MYO9B: variants seen among roughly 807,000 people sequenced by gnomAD.
The protein encoded by MYO9B is unconventional myosin-IXb.
Under a neutral mutation model 229.5 loss-of-function variants are expected in MYO9B, and 71 were observed. The ratio of observed to expected loss-of-function variants is 0.31; its 90% CI spans 0.26 to 0.38. The LOEUF (loss-of-function observed/expected upper bound fraction) is 0.38, where lower values mean the gene tolerates loss of function less well. MYO9B is among the 10% of genes least tolerant of loss of function. The pLI is 1.00. For missense variants in MYO9B, 2,255 were observed against 2,920.5 expected, an observed-to-expected ratio of 0.77 and a Z score of 5.25; for synonymous variants, 1,185 against 1,235.8, an observed-to-expected ratio of 0.96 and a Z score of 0.86.
intron 5 of MYO9B, 110 bp downstream of exon 5, chr19:17,154,176 C>T (rs1381266646): frequency 1.5e-6 from 2 of 1,322,186 alleles, no homozygotes; most frequent in African/African-American, 1.5e-5. Context: ...CGAACCCGCT[C>T]CCAGAAGGCA....
At chr19:17,127,380 G>A (rs1400669546) in intron 2 of MYO9B, among the ~76,000 whole-genome samples, 3 of 150,010 alleles carry the variant, frequency 2.0e-5, no homozygotes, top group Non-Finnish European at 4.4e-5. Context: ...AGGCTGGAGT[G>A]CAGTGGCGCA....
Position 17,195,563 on chromosome 19 carries a change from G to C in MYO9B, c.4046+90G>C. The C allele has an allele frequency of 6.8e-7, 1 of 1,461,650 alleles. No individual in the cohort carries two copies. Among genetic ancestry groups the C allele is most frequent in the Non-Finnish European group, 9.2e-7 (1 of 1,086,410 alleles). 90.5% of individuals were successfully genotyped at this position (1,461,650 alleles called of 1,614,324 possible). A position where few individuals can be genotyped will look rare whatever the true frequency, so the allele number is the denominator to read the frequency against. ...AGTGCCACACATCCTGGAAACACAT[G>C]TGTAATCATGCCCAGTGGGTGTGCG... On this transcript the variant is annotated intron_variant, in intron 22 of 39. Transcript: ENST00000682292. The surrounding 1 kb of genome is among the most constrained non-coding windows in gnomAD (Gnocchi z 4.5).
chr19:17,082,379 G>A (rs904883399), intron 1 of MYO9B, among the ~76,000 whole-genome samples: 10 of 152,160 alleles, frequency 6.6e-5, no homozygotes, highest in African/African-American at 2.4e-4. Context: ...TTCTGCCTGC[G>A]AGGTGGGCAC....
intron 2 of MYO9B, among the ~76,000 whole-genome samples, chr19:17,139,300 T>C (rs1020042339): frequency 5.3e-5 from 8 of 152,134 alleles, no homozygotes; most frequent in African/African-American, 1.9e-4. Flanking sequence ...TATCTAAACA[T>C]AGGCCAGGCC....
chr19:17,109,858 C>A (rs966947713), intron 2 of MYO9B, among the ~76,000 whole-genome samples: 1 of 152,216 alleles, frequency 6.6e-6, no homozygotes, highest in Non-Finnish European at 1.5e-5. Context: ...GCCAAGACCC[C>A]GTTTCCAGAT....
At chr19:17,173,849 C>T (rs539778509) in intron 13 of MYO9B, among the ~76,000 whole-genome samples, 17 of 152,168 alleles carry the variant, frequency 1.1e-4, no homozygotes, top group African/African-American at 2.6e-4. Flanking sequence ...TCCAACCTTC[C>T]GTCCTCAGCT....
chr19:17,156,886 T>C (rs1320299427), intron 6 of MYO9B, 23 bp from the exon 7 acceptor site: 1 of 1,607,730 alleles, frequency 6.2e-7, no homozygotes. Flanking sequence ...ACTACCCAAA[T>C]ATGAGTGCCT....
At chr19:17,082,441 C>T (rs1170124675) in intron 1 of MYO9B, among the ~76,000 whole-genome samples, 1 of 152,142 alleles carries the variant, frequency 6.6e-6, no homozygotes, top group Non-Finnish European at 1.5e-5. Flanking sequence ...GTGGGAGGCT[C>T]AAGGCTTTGC....
At chr19:17,130,317 A>G (rs2072178454) in intron 2 of MYO9B, among the ~76,000 whole-genome samples, 1 of 152,054 alleles carries the variant, frequency 6.6e-6, no homozygotes, top group African/African-American at 2.4e-5. Flanking sequence ...CTACCAGTAC[A>G]GAAATTAGCC....
At chr19:17,130,051 C>T (rs896176113) in intron 2 of MYO9B, among the ~76,000 whole-genome samples, 2 of 152,150 alleles carry the variant, frequency 1.3e-5, no homozygotes, top group African/African-American at 2.4e-5. Flanking sequence ...AATCCATGGC[C>T]TCAAGCGATC....
intron 1 of MYO9B, among the ~76,000 whole-genome samples, chr19:17,089,380 C>T (rs150814620): frequency 1.7e-3 from 256 of 152,312 alleles, no homozygotes; most frequent in African/African-American, 5.6e-3. Flanking sequence ...GCTAGTTAGC[C>T]TTCCCTTAGC....
intron 2 of MYO9B, among the ~76,000 whole-genome samples, chr19:17,108,464 C>T (rs766999407): frequency 3.3e-5 from 5 of 152,146 alleles, no homozygotes; most frequent in Admixed American, 1.3e-4. Flanking sequence ...TCCCTGGCCT[C>T]CACCCACCAG....
At chr19:17,145,248 C>G (rs527923280) in intron 2 of MYO9B, 149 bp from the exon 3 acceptor site, 35 of 737,074 alleles carry the variant, frequency 4.7e-5, no homozygotes, top group South Asian at 3.9e-4. Flanking sequence ...TTCACTCCAG[C>G]CCAGGTGACA....
intron 13 of MYO9B, 66 bp downstream of exon 13, chr19:17,173,029 C>A: frequency 6.5e-7 from 1 of 1,540,500 alleles, no homozygotes; most frequent in Non-Finnish European, 8.8e-7. Context: ...CTGAGTTCAT[C>A]TTAAAGTGAA....
At chr19:17,083,877 G>T (rs953616439) in intron 1 of MYO9B, among the ~76,000 whole-genome samples, 3 of 151,652 alleles carry the variant, frequency 2.0e-5, no homozygotes, top group African/African-American at 7.3e-5. Flanking sequence ...TCTTGAATTC[G>T]TGACCTCAGG....
intron 18 of MYO9B, among the ~76,000 whole-genome samples, chr19:17,187,634 G>T (rs2072933547): frequency 6.6e-6 from 1 of 151,002 alleles, no homozygotes; most frequent in African/African-American, 2.4e-5. Context: ...TGCCCAGGCT[G>T]GTCTCGAACT....
intron 7 of MYO9B, among the ~76,000 whole-genome samples, chr19:17,158,533 TG>T (rs754505778): frequency 9.4e-4 from 143 of 151,916 alleles, no homozygotes; most frequent in Non-Finnish European, 1.8e-3. Context: ...AGGCAGAGGT[TG>T]CAGTGAGCCA....
chr19:17,207,286 C>T, intron 35 of MYO9B, 42 bp downstream of exon 35: 1 of 1,572,860 alleles, frequency 6.4e-7, no homozygotes, highest in Non-Finnish European at 8.6e-7. Context: ...CAGGGCAGCC[C>T]CACCCAGGAC....
At chr19:17,204,337 C>CA (rs2073138023) in intron 30 of MYO9B, among the ~76,000 whole-genome samples, 1 of 149,502 alleles carries the variant, frequency 6.7e-6, no homozygotes, top group Non-Finnish European at 1.5e-5. Context: ...TCCCCAAGGC[C>CA]ACCTCCTGGC....
Sources: allele counts gnomAD v4.1 joint callset (sites outside exome capture counted in the v4.1 genomes callset), GRCh38; gene constraint gnomAD v4.1.1; non-coding constraint Gnocchi (gnomAD v3.1); transcripts MANE v1.5; gene names NCBI Gene and HGNC (gene_info 2026-07-23, HGNC 2026-07-21).